The following DPP10 variants were observed in gnomAD, a reference collection of about 807,000 sequenced individuals.
DPP10 encodes dipeptidyl peptidase like 10.
A neutral mutation model predicts 120.9 loss-of-function variants in DPP10; 33 were observed. The observed-to-expected ratio is 0.27, with a 90% confidence interval of 0.21 to 0.37. The LOEUF (loss-of-function observed/expected upper bound fraction) is 0.37. Ranked by LOEUF, DPP10 falls within the 10% of genes least tolerant of loss-of-function variation. DPP10 has a pLI of 1.00. For missense variants in DPP10, 816 were observed against 942.8 expected (o/e 0.87, Z 1.76); for synonymous variants, 337 against 326.1 (o/e 1.03, Z -0.36).
chr2:114,599,130 A>T (rs962961430), intron 1 of DPP10, among the ~76,000 whole-genome samples: 1 of 151,858 alleles, frequency 6.6e-6, no homozygotes, highest in Non-Finnish European at 1.5e-5. Flanking sequence ...TGTATACATA[A>T]CTTGTTAGTT....
At chr2:115,019,073 C>T (rs915684825) in intron 1 of DPP10, among the ~76,000 whole-genome samples, 14 of 150,832 alleles carry the variant, frequency 9.3e-5, no homozygotes, top group African/African-American at 3.2e-4. Context: ...CCACCATTCT[C>T]GCACCCCCGC....
At chr2:115,231,374 A>G (rs1055571238) in intron 1 of DPP10, among the ~76,000 whole-genome samples, 14 of 152,164 alleles carry the variant, frequency 9.2e-5, no homozygotes, top group African/African-American at 3.1e-4. Context: ...GCTAATGAAC[A>G]TTTACAAATT....
chr2:114,606,017 GTA>G (rs1692760887), intron 1 of DPP10, among the ~76,000 whole-genome samples: 1 of 152,072 alleles, frequency 6.6e-6, no homozygotes, highest in South Asian at 2.1e-4. Context: ...ATTTCATTCA[GTA>G]TCTCCCAAAT....
chr2:114,493,855 CAG>C (rs1682225843), intron 1 of DPP10, among the ~76,000 whole-genome samples: 1 of 152,058 alleles, frequency 6.6e-6, no homozygotes, highest in African/African-American at 2.4e-5. Context: ...ATGTGGGAGA[CAG>C]AGCACTGAAC....
intron 8 of DPP10, among the ~76,000 whole-genome samples, chr2:115,738,424 A>G (rs1238292385): frequency 6.6e-6 from 1 of 152,136 alleles, no homozygotes; most frequent in Non-Finnish European, 1.5e-5. Flanking sequence ...TCATTGTTGT[A>G]GCAAGTAAGT....
At chr2:114,848,046 G>A (rs549561228) in intron 1 of DPP10, among the ~76,000 whole-genome samples, 1 of 152,152 alleles carries the variant, frequency 6.6e-6, no homozygotes, top group Admixed American at 6.5e-5. Context: ...GAATTCTAAA[G>A]CCCTAAGGGG....
chr2:115,492,011 T>C (rs2105352610), intron 3 of DPP10, among the ~76,000 whole-genome samples: 1 of 152,216 alleles, frequency 6.6e-6, no homozygotes, highest in East Asian at 1.9e-4. Flanking sequence ...CAAATTTTAG[T>C]CAAGGCAGAT....
intron 1 of DPP10, among the ~76,000 whole-genome samples, chr2:114,602,287 A>G (rs1269765374): frequency 2.0e-5 from 3 of 151,702 alleles, no homozygotes; most frequent in Non-Finnish European, 4.4e-5. Flanking sequence ...AGAGGGCTCA[A>G]TTCTATTCCT....
chr2:115,503,454 A>G (rs1016780335), intron 4 of DPP10, among the ~76,000 whole-genome samples: 9 of 152,190 alleles, frequency 5.9e-5, no homozygotes, highest in Admixed American at 5.9e-4. Context: ...TATTGAAACA[A>G]CAACAAAAAC....
At chr2:115,807,472 T>C (rs1245297421) in intron 19 of DPP10, among the ~76,000 whole-genome samples, 2 of 152,200 alleles carry the variant, frequency 1.3e-5, no homozygotes, top group Non-Finnish European at 2.9e-5. Context: ...GGATTTGTAC[T>C]ACAGTACGCG....
intron 1 of DPP10, among the ~76,000 whole-genome samples, chr2:114,799,390 A>G (rs1240234277): frequency 6.6e-6 from 1 of 152,216 alleles, no homozygotes; most frequent in East Asian, 1.9e-4. Flanking sequence ...TACCTTAACT[A>G]TTCAGAAATT....
chr2:114,850,139 GCCT>G, intron 1 of DPP10, among the ~76,000 whole-genome samples: 1 of 150,998 alleles, frequency 6.6e-6, no homozygotes, highest in East Asian at 2.0e-4. Context: ...TCCCACTTCA[GCCT>G]CCCAAGTAGC....
chr2:115,162,045 G>C lies in DPP10; in HGVS notation c.61-147194G>C, dbSNP rs566958673. On this transcript the variant is annotated intron_variant, in intron 1 of 25. Transcript: ENST00000410059. ...GCGGACCAGGTGAGAGTCGGCAGCC[G>C]CGGCCAGGCCCTCCCGGGAGGGGTG... is the stretch of plus-strand genomic sequence containing the variant. 176 of 1,415,240 alleles carry C rather than the reference G, an allele frequency of 1.2e-4. No homozygotes were observed. The East Asian group carries it at 5.2e-3, about 42-fold the overall frequency. The allele number at this position is 1,415,240 out of a possible 1,614,324, so 87.7% of individuals were successfully genotyped here.
At chr2:114,612,887 G>A (rs785038) in intron 1 of DPP10, among the ~76,000 whole-genome samples, 78 of 152,144 alleles carry the variant, frequency 5.1e-4, no homozygotes, top group African/African-American at 1.7e-3. Context: ...ATAATTTTAT[G>A]AGAAACTATT....
intron 19 of DPP10, among the ~76,000 whole-genome samples, chr2:115,805,864 C>T (rs758120424): frequency 4.6e-5 from 7 of 152,064 alleles, no homozygotes; most frequent in Non-Finnish European, 8.8e-5. Flanking sequence ...TGTGAGCCGC[C>T]GCGCCCGGCA....
chr2:115,387,158 G>A (rs1574667737), intron 3 of DPP10, among the ~76,000 whole-genome samples: 3 of 152,188 alleles, frequency 2.0e-5, no homozygotes, highest in South Asian at 4.1e-4. Flanking sequence ...GCTCTGAGGA[G>A]GGGGAGGCTG....
intron 1 of DPP10, among the ~76,000 whole-genome samples, chr2:114,778,122 G>A (rs951370358): frequency 1.3e-5 from 2 of 151,986 alleles, no homozygotes; most frequent in Non-Finnish European, 2.9e-5. Flanking sequence ...GGCTATAAAT[G>A]AAATGTTATT....
At chr2:115,755,690 G>A (rs989466166) in intron 11 of DPP10, among the ~76,000 whole-genome samples, 2 of 151,898 alleles carry the variant, frequency 1.3e-5, no homozygotes, top group East Asian at 1.9e-4. Context: ...CAGTATGGAG[G>A]TTTCTCAAAA....
At chr2:115,735,101 C>T (rs915723741) in intron 8 of DPP10, among the ~76,000 whole-genome samples, 21 of 152,270 alleles carry the variant, frequency 1.4e-4, no homozygotes, top group African/African-American at 4.3e-4. Flanking sequence ...ATAAATTCCA[C>T]GCACCCACTT....
Sources: allele counts gnomAD v4.1 joint callset (sites outside exome capture counted in the v4.1 genomes callset), GRCh38; gene constraint gnomAD v4.1.1; transcripts MANE v1.5; gene names NCBI Gene and HGNC (gene_info 2026-07-23, HGNC 2026-07-21).